LVRN: variants seen among roughly 807,000 people sequenced by gnomAD.
LVRN encodes the protein aminopeptidase Q.
LVRN carries 99 observed loss-of-function variants against 111.4 expected under a neutral mutation model. That is an observed-to-expected ratio of 0.89 (90% CI 0.76 to 1.05). The LOEUF (loss-of-function observed/expected upper bound fraction) is 1.05. LVRN is among the 50% of genes least tolerant of loss of function. The pLI is 0.00. For synonymous variants in LVRN, 488 were observed against 449.5 expected, an observed-to-expected ratio of 1.09 and a Z score of -1.08; for missense variants, 1,414 against 1,206.8, an observed-to-expected ratio of 1.17 and a Z score of -2.54.
chr5:116,012,375 G>T lies in LVRN; in HGVS notation c.2249G>T (p.Arg750Met). Reference protein sequence around the residue: ...NIYDIYSLLKRYLLKRLNLIW... With the variant: ...NIYDIYSLLKMYLLKRLNLIW... ...GTGTATTTTCTTTATTGTTTATAGA[G>T]GTACCTATTAAAGAGACTTAATTTA... The change falls in exon 15 of 20, where the codon AGG becomes ATG. Residue 750 changes from arginine (R) to methionine (M), a missense_variant and splice_region_variant. Coordinates refer to ENST00000357872, the MANE Select transcript of LVRN (RefSeq NM_173800.5). 1 of 1,423,956 alleles carries T rather than the reference G, an allele frequency of 7.0e-7. No individual in the cohort carries two copies. Among genetic ancestry groups the T allele is most frequent in the Non-Finnish European group, 9.8e-7 (1 of 1,022,986 alleles). The allele number at this position is 1,423,956 out of a possible 1,614,324, so 88.2% of individuals were successfully genotyped here.
chr5:115,988,506 T>C (rs1747917877), intron 4 of LVRN, among the ~76,000 whole-genome samples: 1 of 152,190 alleles, frequency 6.6e-6, no homozygotes, highest in Admixed American at 6.5e-5. Context: ...TTCTTAAAAT[T>C]GTATGAGCCA....
rs1748047462 is a variant in LVRN, at chr5:115,993,794, G to A, written c.1314G>A (p.Glu438=). The A allele has an allele frequency of 1.9e-6, 3 of 1,610,778 alleles. No homozygotes were observed. Among genetic ancestry groups the A allele is most frequent in the South Asian group, 2.2e-5 (2 of 89,956 alleles). The change falls in exon 6 of 20, where the codon GAG becomes GAA. Residue 438 remains glutamate (E), a synonymous_variant. Coordinates refer to ENST00000357872, the MANE Select transcript of LVRN (RefSeq NM_173800.5). ...MNWWNNIWLN[E]GFASYFEFEV... Reference sequence around the variant, plus strand: ...GGTGGAACAATATCTGGCTCAACGAGGGTTTTGCATCTTATTTTGAGTTTG... The same window carrying A: ...GGTGGAACAATATCTGGCTCAACGAAGGTTTTGCATCTTATTTTGAGTTTG...
intron 6 of LVRN, among the ~76,000 whole-genome samples, chr5:115,996,899 T>C (rs1356352332): frequency 6.6e-6 from 1 of 152,182 alleles, no homozygotes; most frequent in Non-Finnish European, 1.5e-5. Context: ...ATTTGTAAAA[T>C]GGGTTCTTGC....
At chr5:115,974,381 C>A (rs989236579) in intron 1 of LVRN, 3 of 152,220 alleles carry the variant, frequency 2.0e-5, no homozygotes, top group African/African-American at 7.2e-5. Context: ...ATGTTAAAAA[C>A]TCTTAGTGGT....
chr5:115,980,773 A>T (rs748215128), intron 1 of LVRN, among the ~76,000 whole-genome samples: 3 of 152,084 alleles, frequency 2.0e-5, no homozygotes, highest in Non-Finnish European at 2.9e-5. Context: ...ATACATGAGC[A>T]TGTATTTTTT....
At chr5:115,997,273 G>T (rs555624561) in intron 6 of LVRN, among the ~76,000 whole-genome samples, 2 of 152,198 alleles carry the variant, frequency 1.3e-5, no homozygotes, top group East Asian at 3.9e-4. Flanking sequence ...GGAAGGATTC[G>T]TACACAGGCA....
intron 18 of LVRN, 162 bp from the exon 19 acceptor site, chr5:116,022,229 C>T: frequency 1.8e-6 from 1 of 562,276 alleles, no homozygotes; most frequent in Non-Finnish European, 3.2e-6. Flanking sequence ...ATAGGATTCT[C>T]TATTAAAAGA....
rs745951335 is a variant in LVRN, at chr5:115,963,017, A to G, written c.400A>G (p.Thr134Ala). ...GCCCTTCACTGGCCGCGTGAACATC[A>G]CGGTGCGCTGCACGGTGGCCACCTC... ...SLPFTGRVNI[T>A]VRCTVATSRL... Residue 134 changes from threonine to alanine, a missense_variant, in exon 1 of 20, where the codon ACG becomes GCG. Thr to Ala is a moderately conservative substitution (Grantham distance 58). Coordinates refer to ENST00000357872, the MANE Select transcript of LVRN (RefSeq NM_173800.5). 1.1e-5 allele frequency: 18 copies of G among 1,613,244 alleles called. No individual in the cohort carries two copies. The Admixed American group carries it at 1.8e-4, about 16-fold the overall frequency.
chr5:115,977,771 C>A (rs1445711), intron 1 of LVRN, among the ~76,000 whole-genome samples: 64,934 of 151,902 alleles, frequency 0.43, 14,983 homozygotes, highest in African/African-American at 0.6. Flanking sequence ...TCACATCTGT[C>A]AATTAAGATG....
intron 1 of LVRN, chr5:115,976,356 A>G (rs1166123429): frequency 6.6e-6 from 1 of 152,192 alleles, no homozygotes; most frequent in African/African-American, 2.4e-5. Flanking sequence ...ACTGGTGTCA[A>G]GATTTATCTA....
chr5:115,966,833 C>G (rs1400898308), intron 1 of LVRN, among the ~76,000 whole-genome samples: 1 of 152,198 alleles, frequency 6.6e-6, no homozygotes, highest in African/African-American at 2.4e-5. Flanking sequence ...TATATTTTAG[C>G]TGTCCTGATA....
intron 1 of LVRN, among the ~76,000 whole-genome samples, chr5:115,974,106 A>G (rs1753385197): frequency 6.6e-6 from 1 of 152,192 alleles, no homozygotes; most frequent in African/African-American, 2.4e-5. Context: ...CCACCATCAT[A>G]GTAGAAAGTT....
chr5:116,006,063 T>C (rs2112614692), intron 13 of LVRN, 96 bp downstream of exon 13: 2 of 988,708 alleles, frequency 2.0e-6, no homozygotes, highest in South Asian at 2.9e-5. Context: ...ATTTAGTCTA[T>C]ACAGGCCATA....
chr5:115,997,670 A>AT (rs2112595901), intron 6 of LVRN, among the ~76,000 whole-genome samples: 1 of 152,298 alleles, frequency 6.6e-6, no homozygotes, highest in East Asian at 1.9e-4. Flanking sequence ...CAAAAAAAAA[A>AT]AGGAAGAAAT....
In LVRN at chr5:115,992,236, A is replaced by C. The variant is rs757594151; in HGVS notation, c.1219A>C (p.Thr407Pro). The part of the protein sequence containing the change: ...EPKDQLTEKK[T>P]LISYVVSHEI... ...AAAAGATCAACTGACAGAAAAAAAG[A>C]CTCTGATCTCCTATGTTGTCTCCCA... Residue 407 changes from threonine to proline, a missense_variant, in exon 5 of 20, where the codon ACT becomes CCT. Physicochemically the swap from Thr to Pro is conservative, Grantham distance 38. Transcript: ENST00000357872. 1.2e-6 allele frequency: 2 copies of C among 1,613,788 alleles called. No individual in the cohort carries two copies. Among genetic ancestry groups the C allele is most frequent in the African/African-American group, 1.3e-5 (1 of 74,882 alleles).
Position 116,026,111 on chromosome 5 carries a change from A to G in LVRN, c.2966A>G (p.Asn989Ser). 1 of 1,613,770 alleles carries G rather than the reference A, an allele frequency of 6.2e-7. No individual in the cohort carries two copies. The highest frequency in any genetic ancestry group is 8.5e-7 in the Non-Finnish European group (1 of 1,179,786). ...SARIAAWLRR[N>S]T ...AGGATAGCTGCGTGGCTAAGGAGAAACACATAGCTTGTGGCTATCTTTCAG... is the reference window on the plus strand; with the variant it reads ...AGGATAGCTGCGTGGCTAAGGAGAAGCACATAGCTTGTGGCTATCTTTCAG... Residue 989 changes from asparagine to serine, a missense_variant, in exon 20 of 20, where the codon AAC (asparagine) becomes AGC (serine). Physicochemically the swap from Asn to Ser is conservative, Grantham distance 46. Coordinates refer to ENST00000357872, the MANE Select transcript of LVRN (RefSeq NM_173800.5).
chr5:115,998,164 G>A (rs1185446662), intron 6 of LVRN, among the ~76,000 whole-genome samples: 1 of 152,084 alleles, frequency 6.6e-6, no homozygotes, highest in Non-Finnish European at 1.5e-5. Context: ...TGACCTGATG[G>A]GTTATTATGC....
chr5:115,984,310 G>A (rs1439010027), intron 2 of LVRN, among the ~76,000 whole-genome samples: 1 of 152,100 alleles, frequency 6.6e-6, no homozygotes, highest in Non-Finnish European at 1.5e-5. Flanking sequence ...CAGATTGGGG[G>A]CTAAGTTTAT....
intron 2 of LVRN, among the ~76,000 whole-genome samples, 173 bp downstream of exon 2, chr5:115,983,602 G>T (rs1261221164): frequency 6.6e-6 from 1 of 152,170 alleles, no homozygotes; most frequent in African/African-American, 2.4e-5. Context: ...CTTGGAGATG[G>T]TAAATCCTGA....
Sources: allele counts gnomAD v4.1 joint callset (sites outside exome capture counted in the v4.1 genomes callset), GRCh38; gene constraint gnomAD v4.1.1; transcripts MANE v1.5; gene names NCBI Gene and HGNC (gene_info 2026-07-23, HGNC 2026-07-21).